Variants in DOCK8 observed in about 807,000 individuals in gnomAD.
DOCK8 encodes the protein dedicator of cytokinesis protein 8.
DOCK8 carries 141 observed loss-of-function variants against 245.6 expected under a neutral mutation model. The ratio of observed to expected loss-of-function variants is 0.57; its 90% CI spans 0.50 to 0.66. DOCK8 has a LOEUF of 0.66. Ranked by LOEUF, DOCK8 falls within the 30% of genes least tolerant of loss-of-function variation. The probability of loss-of-function intolerance (pLI) is 0.00; values close to 1 mark genes in which losing one functional copy is unlikely to be tolerated. For synonymous variants in DOCK8, 1,168 were observed against 970.2 expected (o/e 1.20, Z -3.79); for missense variants, 2,965 against 2,603.4 (o/e 1.14, Z -3.02).
At chr9:251,857 C>A (rs1178601821) in intron 1 of DOCK8, among the ~76,000 whole-genome samples, 1 of 152,066 alleles carries the variant, frequency 6.6e-6, no homozygotes, top group South Asian at 2.1e-4. Flanking sequence ...ATTAAAGATA[C>A]GCTCATGTTA....
At chr9:275,100 C>T (rs1247151886) in intron 2 of DOCK8, among the ~76,000 whole-genome samples, 5 of 152,188 alleles carry the variant, frequency 3.3e-5, no homozygotes, top group Non-Finnish European at 7.3e-5. Flanking sequence ...CACTTAATCT[C>T]TCTGAAGACT....
At chr9:395,531 T>TTAGTAGTAG (rs60738310) in intron 24 of DOCK8, among the ~76,000 whole-genome samples, 4,590 of 149,434 alleles carry the variant, frequency 0.031, 102 homozygotes, top group East Asian at 0.04. Flanking sequence ...TCCAGTGCCA[T>TTAGTAGTAG]TAGTAGTAGT....
chr9:230,853 C>T (rs1179983551), intron 1 of DOCK8, among the ~76,000 whole-genome samples: 2 of 151,976 alleles, frequency 1.3e-5, no homozygotes, highest in Non-Finnish European at 2.9e-5. Flanking sequence ...CTGTAGGTTG[C>T]CTGTTCACTC....
At chr9:268,570 C>A (rs902563005) in intron 1 of DOCK8, among the ~76,000 whole-genome samples, 1 of 152,214 alleles carries the variant, frequency 6.6e-6, no homozygotes, top group Admixed American at 6.5e-5. Context: ...TGAACATTTT[C>A]AGATATTCTT....
At position 399,218 on chromosome 9, in the gene DOCK8, C is replaced by T. The variant is rs146891937; in HGVS notation, c.3193C>T (p.Arg1065Trp). 55 of 1,613,800 alleles carry T rather than the reference C, an allele frequency of 3.4e-5. No homozygotes were observed. The highest frequency in any genetic ancestry group is 5.0e-5 in the Admixed American group (3 of 59,994). Residue 1065 changes from arginine (R) to tryptophan (W), a missense_variant, in exon 26 of 48, where the codon CGG (arginine) becomes TGG (tryptophan). Around this residue, in one of 3 missense-constraint regions of DOCK8, gnomAD observed 2,825 missense variants for 2,453.5 expected, o/e 1.15. Coordinates refer to ENST00000432829, the MANE Select transcript of DOCK8 (RefSeq NM_203447.4). ...GTATGACCTTCTCTCCCTCATGGAT[C>T]GGGGCTTTGTGTTTAACCTCATCAG... ...FLYDLLSLMD[R>W]GFVFNLIRHY...
At chr9:215,587 G>A in intron 1 of DOCK8, 1 of 716,304 alleles carries the variant, frequency 1.4e-6, no homozygotes, top group East Asian at 3.4e-5. Context: ...TGGTCCAAAG[G>A]AGCCATGAAG....
chr9:356,727 G>A (rs570384761), intron 14 of DOCK8, among the ~76,000 whole-genome samples: 22 of 152,108 alleles, frequency 1.4e-4, no homozygotes, highest in African/African-American at 5.1e-4. Context: ...TAAGGAGGGA[G>A]GGTGAGTAAA....
chr9:299,873 T>A (rs1172828179), intron 4 of DOCK8, among the ~76,000 whole-genome samples: 2 of 151,884 alleles, frequency 1.3e-5, no homozygotes, highest in Non-Finnish European at 2.9e-5. Context: ...TACAAAAAAA[T>A]TAGCTGGCTG....
chr9:322,972 A>G (rs2050586662), intron 7 of DOCK8, among the ~76,000 whole-genome samples: 1 of 151,872 alleles, frequency 6.6e-6, no homozygotes, highest in Non-Finnish European at 1.5e-5. Context: ...ACATGCCTGT[A>G]GTCACAGCTG....
intron 1 of DOCK8, among the ~76,000 whole-genome samples, chr9:269,145 A>G (rs1250684038): frequency 5.9e-5 from 9 of 152,184 alleles, no homozygotes; most frequent in East Asian, 1.9e-4. Flanking sequence ...CATCACTACA[A>G]TCAATTTCAG....
intron 46 of DOCK8, among the ~76,000 whole-genome samples, chr9:459,416 AAT>A (rs1355280409): frequency 5.3e-5 from 8 of 152,238 alleles, no homozygotes; most frequent in Non-Finnish European, 8.8e-5. Flanking sequence ...TCCAGCTATT[AAT>A]ATGTTTTTCT....
At chr9:316,021 G>A (rs953380758) in intron 6 of DOCK8, among the ~76,000 whole-genome samples, 4 of 152,142 alleles carry the variant, frequency 2.6e-5, no homozygotes, top group African/African-American at 4.8e-5. Context: ...ATGGCCAACC[G>A]CCGTAACCAC....
At chr9:264,207 A>G (rs2047985311) in intron 1 of DOCK8, among the ~76,000 whole-genome samples, 1 of 152,242 alleles carries the variant, frequency 6.6e-6, no homozygotes, top group Non-Finnish European at 1.5e-5. Context: ...CAAGAAGGAA[A>G]CTTATATGAT....
At chr9:217,053 T>C (rs997936097) in intron 1 of DOCK8, among the ~76,000 whole-genome samples, 2 of 152,064 alleles carry the variant, frequency 1.3e-5, no homozygotes, top group East Asian at 3.8e-4. Context: ...ATTAAATGAA[T>C]AATAGGTACA....
chr9:369,554 CTAAG>C (rs2053184924), intron 15 of DOCK8: 1 of 152,850 alleles, frequency 6.5e-6, no homozygotes, highest in Admixed American at 6.5e-5. Context: ...TTCAAATCAC[CTAAG>C]TGAGTAGGTC....
At chr9:345,666 A>G (rs1448230484) in intron 14 of DOCK8, among the ~76,000 whole-genome samples, 1 of 152,178 alleles carries the variant, frequency 6.6e-6, no homozygotes, top group Admixed American at 6.5e-5. Context: ...ATTGCCTTCC[A>G]GTCCCCAGCC....
chr9:231,634 C>T (rs1156406546), intron 1 of DOCK8, among the ~76,000 whole-genome samples: 2 of 151,990 alleles, frequency 1.3e-5, no homozygotes, highest in African/African-American at 4.8e-5. Context: ...AGTTGGATTC[C>T]TAGGTATTTT....
At chr9:330,190 A>G (rs1249739953) in intron 9 of DOCK8, among the ~76,000 whole-genome samples, 3 of 152,178 alleles carry the variant, frequency 2.0e-5, no homozygotes, top group Non-Finnish European at 4.4e-5. Flanking sequence ...TTAATTCAAG[A>G]TTTTGTGAAA....
At chr9:370,875 G>C (rs1253592342) in intron 16 of DOCK8, among the ~76,000 whole-genome samples, 1 of 152,214 alleles carries the variant, frequency 6.6e-6, no homozygotes, top group Non-Finnish European at 1.5e-5. Flanking sequence ...CTTCATTTAA[G>C]CACATTCTGG....
Sources: gnomAD v4.1 joint callset for allele counts (sites outside exome capture counted in the v4.1 genomes callset) on GRCh38, gnomAD v4.1.1 for gene constraint, gnomAD v4.1.1 regional missense constraint, MANE v1.5 for transcripts, NCBI Gene and HGNC (gene_info 2026-07-23, HGNC 2026-07-21) for gene names.